The following TFAP2D variants were observed in gnomAD, a reference collection of about 807,000 sequenced individuals.
The protein encoded by TFAP2D is transcription factor AP-2 delta.
Under a neutral mutation model 43.6 loss-of-function variants are expected in TFAP2D, and 9 were observed. The ratio of observed to expected loss-of-function variants is 0.21; its 90% CI spans 0.12 to 0.36. TFAP2D has a LOEUF of 0.36. Among genes scored for constraint, TFAP2D ranks in the 10% least tolerant of loss-of-function variants. The pLI is 1.00. For missense variants in TFAP2D, 513 were observed against 561.4 expected, an observed-to-expected ratio of 0.91 and a Z score of 0.87; for synonymous variants, 256 against 224.9, an observed-to-expected ratio of 1.14 and a Z score of -1.24.
intron 7 of TFAP2D, 23 bp from the exon 8 acceptor site, chr6:50,772,622 T>C (rs1258850092): frequency 6.2e-7 from 1 of 1,606,904 alleles, no homozygotes; most frequent in South Asian, 1.1e-5. Flanking sequence ...CACCTCTTTT[T>C]TCCTATCACT....
In TFAP2D at chr6:50,734,346, C is replaced by A. The variant is rs1360101213; in HGVS notation, c.883+5034C>A. On this transcript the variant is annotated intron_variant, in intron 5 of 7. Transcript: ENST00000008391. ...ACTTAACCTAGCTGAGCTTCATTTTCCTAATTCATAAATAAAGACCATCAT... is the reference window on the plus strand; with the variant it reads ...ACTTAACCTAGCTGAGCTTCATTTTACTAATTCATAAATAAAGACCATCAT... Among the ~76,000 whole-genome samples, 9 of 152,086 alleles carry A rather than the reference C, an allele frequency of 5.9e-5. No homozygotes were observed. The South Asian group carries it at 1.0e-3, about 18-fold the overall frequency.
At chr6:50,748,797 CT>C (rs1581772071) in intron 6 of TFAP2D, among the ~76,000 whole-genome samples, 1 of 151,804 alleles carries the variant, frequency 6.6e-6, no homozygotes, top group African/African-American at 2.4e-5. Flanking sequence ...TAGTTAACAA[CT>C]TTTAGTGTTA....
At position 50,751,309 on chromosome 6, in the gene TFAP2D, A is replaced by G. The variant is rs772703723; in HGVS notation, c.1124A>G (p.His375Arg). The G allele has an allele frequency of 6.2e-6, 10 of 1,609,838 alleles. No individual in the cohort carries two copies. The highest frequency in any genetic ancestry group is 8.5e-6 in the Non-Finnish European group (10 of 1,176,948). ...TPILDLDIQR[H>R]LTHFSLITHG... ...ATTCTAGACCTTGACATCCAGAGAC[A>G]TTTAACACATTTCAGGTAAGACTGG... The change falls in exon 7 of 8, where the codon CAT (histidine) becomes CGT (arginine). Residue 375 changes from histidine (H) to arginine (R), a missense_variant. Physicochemically the swap from His to Arg is conservative, Grantham distance 29. Transcript: ENST00000008391.
intron 7 of TFAP2D, among the ~76,000 whole-genome samples, chr6:50,757,049 G>A (rs1343337368): frequency 6.6e-6 from 1 of 151,774 alleles, no homozygotes; most frequent in Non-Finnish European, 1.5e-5. Context: ...TGAAGGCTCA[G>A]TCCAGGGAAG....
chr6:50,718,845 G>A (rs1181559052), intron 2 of TFAP2D, among the ~76,000 whole-genome samples: 2 of 152,316 alleles, frequency 1.3e-5, no homozygotes, highest in East Asian at 3.9e-4. Flanking sequence ...CAGGCACTTT[G>A]AAGTGTAATA....
rs368990378 is a variant in TFAP2D, at chr6:50,724,265, A to G, written c.599-4591A>G. ...GGACAGGAAACTCTTGTAATCGCTT[A>G]CACATTTTTAATGTGTCAGAAAAAA... On this transcript the variant is annotated intron_variant, in intron 3 of 7. Transcript: ENST00000008391. Among the ~76,000 whole-genome samples the G allele has an allele frequency of 5.9e-5, 9 of 151,934 alleles. No homozygotes were observed. The East Asian group carries it at 9.7e-4, about 16-fold the overall frequency.
chr6:50,739,599 A>G (rs1769009347), intron 5 of TFAP2D, among the ~76,000 whole-genome samples: 1 of 152,166 alleles, frequency 6.6e-6, no homozygotes, highest in Non-Finnish European at 1.5e-5. Flanking sequence ...ATTTTATTAA[A>G]TGGCTCCACT....
chr6:50,767,571 G>A (rs1486236145), intron 7 of TFAP2D, among the ~76,000 whole-genome samples: 3 of 152,000 alleles, frequency 2.0e-5, no homozygotes, highest in South Asian at 2.1e-4. Context: ...CATCACTTTG[G>A]CAAGTTTCTA....
At position 50,772,848 on chromosome 6, in the gene TFAP2D, C is replaced by T; in HGVS notation, c.1343C>T (p.Thr448Ile). The T allele has an allele frequency of 1.2e-6, 2 of 1,613,228 alleles. No individual in the cohort carries two copies. The highest frequency in any genetic ancestry group is 1.7e-6 in the Non-Finnish European group (2 of 1,179,570). The change falls in exon 8 of 8, where the codon ACA (threonine) becomes ATA (isoleucine). Residue 448 changes from threonine (T) to isoleucine (I), a missense_variant. Transcript: ENST00000008391. ...TSEAAVKEGK[T>I]EKTD Reference sequence around the variant, plus strand: ...GAGGCTGCCGTGAAAGAGGGCAAAACAGAAAAGACAGACTAGCTACATCAA... The same window carrying T: ...GAGGCTGCCGTGAAAGAGGGCAAAATAGAAAAGACAGACTAGCTACATCAA...
intron 3 of TFAP2D, among the ~76,000 whole-genome samples, chr6:50,719,780 A>G (rs138172114): frequency 6.6e-6 from 1 of 152,266 alleles, no homozygotes; most frequent in East Asian, 1.9e-4. Context: ...TGTACTGGAT[A>G]AAGCTTTCTT....
rs1769239816 is a variant in TFAP2D at position 50,754,583 on chromosome 6, CCATTTTCCATAGCAGCTATACCATTTTA to C, written c.1139+3267_1139+3294del. 2.0e-5 allele frequency among the ~76,000 whole-genome samples: 3 copies of C among 152,014 alleles called. No homozygotes were observed. In the South Asian group the frequency reaches 6.2e-4, roughly 32 times the overall value. ...TGTCATTTTTTGAGGGCCTATTCTA[CCATTTTCCATAGCAGCTATACCATTTTA>C]CATTTTCACAATAATGTACGGGGTG... On this transcript the variant is annotated intron_variant, in intron 7 of 7. Coordinates refer to ENST00000008391, the MANE Select transcript of TFAP2D (RefSeq NM_172238.4).
At chr6:50,747,095 G>T (rs73427153) in intron 6 of TFAP2D, among the ~76,000 whole-genome samples, 3,134 of 152,156 alleles carry the variant, frequency 0.021, 110 homozygotes, top group African/African-American at 0.072. Context: ...TAGTAGAAAA[G>T]ACCTAAATCT....
chr6:50,721,450 T>A (rs1262517142), intron 3 of TFAP2D, among the ~76,000 whole-genome samples: 1 of 152,300 alleles, frequency 6.6e-6, no homozygotes, highest in Middle Eastern at 3.4e-3. Context: ...AATGTTCATG[T>A]CAATTTACAA....
intron 7 of TFAP2D, among the ~76,000 whole-genome samples, chr6:50,771,349 T>C (rs1289908437): frequency 2.6e-5 from 4 of 152,194 alleles, no homozygotes; most frequent in African/African-American, 9.7e-5. Flanking sequence ...CACTTCTCTT[T>C]ATGTTACATT....
intron 7 of TFAP2D, among the ~76,000 whole-genome samples, chr6:50,759,993 T>C (rs987312763): frequency 6.6e-6 from 1 of 152,036 alleles, no homozygotes; most frequent in South Asian, 2.1e-4. Context: ...AGATGCTCTC[T>C]GAAAGCGTTT....
chr6:50,715,439 G>A lies in TFAP2D; in HGVS notation c.363G>A (p.Ala121=). ...TDFINLHNAR[A]LKSSCLDEQR... is the part of the protein sequence containing the mutation. Reference sequence around the variant, plus strand: ...TTATTAACCTGCACAATGCGCGGGCGCTCAAGTCGTCCTGCCTGGACGAGC... The same window carrying A: ...TTATTAACCTGCACAATGCGCGGGCACTCAAGTCGTCCTGCCTGGACGAGC... The change falls in exon 2 of 8, where the codon GCG becomes GCA. Residue 121 remains alanine, a synonymous_variant. Coordinates refer to ENST00000008391, the MANE Select transcript of TFAP2D (RefSeq NM_172238.4). 1 of 1,614,142 alleles carries A rather than the reference G, an allele frequency of 6.2e-7. No individual in the cohort carries two copies. Among genetic ancestry groups the A allele is most frequent in the South Asian group, 1.1e-5 (1 of 91,078 alleles).
chr6:50,728,018 C>T (rs891881560), intron 3 of TFAP2D, among the ~76,000 whole-genome samples: 6 of 152,148 alleles, frequency 3.9e-5, no homozygotes, highest in African/African-American at 1.4e-4. Context: ...GCTCAGGGGG[C>T]TTTCTGGAGC....
At chr6:50,717,065 A>AG (rs1420637718) in intron 2 of TFAP2D, among the ~76,000 whole-genome samples, 1 of 152,206 alleles carries the variant, frequency 6.6e-6, no homozygotes, top group Non-Finnish European at 1.5e-5. Context: ...ATGTCTCAAG[A>AG]GGGAAAAAAA....
At chr6:50,766,713 C>T (rs1769448902) in intron 7 of TFAP2D, among the ~76,000 whole-genome samples, 2 of 130,962 alleles carry the variant, frequency 1.5e-5, no homozygotes, top group Non-Finnish European at 3.2e-5. Flanking sequence ...CCAGGCCGGA[C>T]TGCGGACTGC....
Sources: allele counts gnomAD v4.1 joint callset (sites outside exome capture counted in the v4.1 genomes callset), GRCh38; gene constraint gnomAD v4.1.1; transcripts MANE v1.5; gene names NCBI Gene and HGNC (gene_info 2026-07-23, HGNC 2026-07-21).